Variants in TMEM123 observed in about 807,000 individuals in gnomAD.
TMEM123 encodes the protein porimin.
Under a neutral mutation model 19.7 loss-of-function variants are expected in TMEM123, and 16 were observed. That is an observed-to-expected ratio of 0.81 (90% CI 0.55 to 1.23). TMEM123 has a LOEUF of 1.23. TMEM123 is among the 50% of genes most tolerant of loss of function. The pLI, the probability that TMEM123 is intolerant of heterozygous loss-of-function variation, is 0.00. For missense variants in TMEM123, 313 were observed against 257.8 expected (o/e 1.21, Z -1.47); for synonymous variants, 118 against 99.4 (o/e 1.19, Z -1.12).
At chr11:102,400,625 T>G (rs1951904280) in intron 4 of TMEM123, among the ~76,000 whole-genome samples, 1 of 152,230 alleles carries the variant, frequency 6.6e-6, no homozygotes, top group Non-Finnish European at 1.5e-5. Flanking sequence ...AATCCCAGTG[T>G]GATGATATTT....
intron 2 of TMEM123, among the ~76,000 whole-genome samples, chr11:102,402,545 A>G (rs1188268023): frequency 6.6e-6 from 1 of 152,184 alleles, no homozygotes; most frequent in African/African-American, 2.4e-5. Context: ...ATATCACATA[A>G]TAGGCTTTCA....
intron 2 of TMEM123, chr11:102,448,502 A>G (rs560228627): frequency 6.2e-5 from 21 of 339,912 alleles, no homozygotes; most frequent in East Asian, 4.9e-4. Context: ...CTGACATTTC[A>G]TATCTACAGG....
At chr11:102,411,695 AAC>A (rs1476251999) in intron 2 of TMEM123, among the ~76,000 whole-genome samples, 6 of 152,138 alleles carry the variant, frequency 3.9e-5, no homozygotes, top group South Asian at 4.1e-4. Context: ...AAAAAAAAAA[AAC>A]ACACATCTGG....
At position 102,448,856 on chromosome 11, in the gene TMEM123, A is replaced by G. The variant is rs773768232; in HGVS notation, c.113T>C (p.Ile38Thr). 1 of 1,613,718 alleles carries G rather than the reference A, an allele frequency of 6.2e-7. No individual in the cohort carries two copies. The highest frequency in any genetic ancestry group is 1.7e-5 in the Admixed American group (1 of 60,028). The change falls in exon 2 of 5, where the codon ATA becomes ACA. Residue 38 changes from isoleucine to threonine, a missense_variant. Transcript: ENST00000398136. ...ESAAMAASANIENSGLPHNSS... is the reference protein window; with the variant it reads ...ESAAMAASANTENSGLPHNSS... ...GTTGTGTGGAAGCCCAGAATTCTCT[A>G]TGTTTGCAGATGCTGTAAAAATAAA...
chr11:102,424,297 G>T (rs147532588), intron 2 of TMEM123, among the ~76,000 whole-genome samples: 1 of 152,274 alleles, frequency 6.6e-6, no homozygotes, highest in East Asian at 1.9e-4. Context: ...ATAAAGCAGT[G>T]AATACTTTAT....
At chr11:102,440,155 C>T (rs1010214887) in intron 2 of TMEM123, among the ~76,000 whole-genome samples, 2 of 152,108 alleles carry the variant, frequency 1.3e-5, no homozygotes, top group Non-Finnish European at 1.5e-5. Flanking sequence ...ACTTCCCCAA[C>T]CTAGCAAGGC....
chr11:102,448,574 T>C (rs920056856), intron 2 of TMEM123, among the ~76,000 whole-genome samples: 6 of 152,218 alleles, frequency 3.9e-5, no homozygotes, highest in African/African-American at 9.6e-5. Flanking sequence ...GAAATTCCGA[T>C]ACACTTTTTG....
rs1465936646 is a variant in TMEM123, at chr11:102,397,639, G to GAA, written c.*1226_*1227dup. On this transcript the variant is annotated 3_prime_UTR_variant, in exon 5 of 5. Transcript: ENST00000398136. ...AGGGAATATCCAAATCAGGAAGGAG[G>GAA]AAATGTCCTCTCTAAAAATTCCTCT... 1 of 152,112 alleles carries GAA rather than the reference G, an allele frequency of 6.6e-6. No individual in the cohort carries two copies. Among genetic ancestry groups the GAA allele is most frequent in the Non-Finnish European group, 1.5e-5 (1 of 67,998 alleles). 9.4% of individuals were successfully genotyped at this position (152,112 alleles called of 1,614,324 possible).
intron 2 of TMEM123, among the ~76,000 whole-genome samples, chr11:102,416,049 G>A (rs1308590910): frequency 1.3e-5 from 2 of 151,976 alleles, no homozygotes; most frequent in Non-Finnish European, 2.9e-5. Context: ...CAAGTACCTG[G>A]GACTACAGGT....
intron 2 of TMEM123, among the ~76,000 whole-genome samples, chr11:102,425,573 TTTC>T (rs1335348177): frequency 6.7e-6 from 1 of 149,898 alleles, no homozygotes; most frequent in Non-Finnish European, 1.5e-5. Flanking sequence ...TTTTTTTTTT[TTTC>T]TTTTTTCTTT....
chr11:102,422,613 T>C (rs1952096301), intron 2 of TMEM123, among the ~76,000 whole-genome samples: 2 of 152,148 alleles, frequency 1.3e-5, no homozygotes, highest in African/African-American at 2.4e-5. Flanking sequence ...GAATTCTGGG[T>C]TTATCATTCT....
Position 102,442,358 on chromosome 11 carries a change from T to G in TMEM123, c.157+6454A>C, listed in dbSNP as rs376589858. On this transcript the variant is annotated intron_variant, in intron 2 of 4. Coordinates refer to ENST00000398136, the MANE Select transcript of TMEM123 (RefSeq NM_052932.3). ...AAAAGCTTATCCACCACAATCAAGT[T>G]GGCTTCATCCCTGGGATGCAAGACT... 5.2e-3 allele frequency among the ~76,000 whole-genome samples: 797 copies of G among 152,278 alleles called. 7 individuals carry two copies. The highest frequency in any genetic ancestry group is 0.018 in the African/African-American group (759 of 41,554).
At position 102,436,181 on chromosome 11, in the gene TMEM123, G is replaced by C. The variant is rs750654212; in HGVS notation, c.157+12631C>G. On this transcript the variant is annotated intron_variant, in intron 2 of 4. Transcript: ENST00000398136. ...CCTTATTTTTTATTTATTTTATTTTGAGATGGAGTTTCCCACTATTGCCCA... is the reference window on the plus strand; with the variant it reads ...CCTTATTTTTTATTTATTTTATTTTCAGATGGAGTTTCCCACTATTGCCCA... Among the ~76,000 whole-genome samples the C allele has an allele frequency of 7.9e-4, 120 of 151,938 alleles. 2 individuals are homozygous for C. The highest frequency in any genetic ancestry group is 1.3e-3 in the Non-Finnish European group (90 of 67,866).
chr11:102,421,062 CAAA>C (rs1001274448), intron 2 of TMEM123, among the ~76,000 whole-genome samples: 1 of 151,932 alleles, frequency 6.6e-6, no homozygotes, highest in East Asian at 1.9e-4. Context: ...AAAACAACAA[CAAA>C]AAAACTAGGG....
At chr11:102,449,876 C>T (rs542083271) in intron 1 of TMEM123, among the ~76,000 whole-genome samples, 1 of 152,258 alleles carries the variant, frequency 6.6e-6, no homozygotes, top group East Asian at 1.9e-4. Context: ...CAGAGAAGGC[C>T]GCCCAGATAC....
At chr11:102,448,281 C>A in intron 2 of TMEM123, 1 of 456,220 alleles carries the variant, frequency 2.2e-6, no homozygotes, top group South Asian at 1.5e-5. Flanking sequence ...CTGGTTCTTG[C>A]ATCTTTCCAT....
At chr11:102,427,515 C>T (rs1340959273) in intron 2 of TMEM123, among the ~76,000 whole-genome samples, 1 of 136,314 alleles carries the variant, frequency 7.3e-6, no homozygotes, top group Non-Finnish European at 1.5e-5. Context: ...GTGGCACAAT[C>T]TCAGCTCACT....
chr11:102,435,630 T>C (rs1857755015), intron 2 of TMEM123, among the ~76,000 whole-genome samples: 1 of 151,924 alleles, frequency 6.6e-6, no homozygotes, highest in South Asian at 2.1e-4. Flanking sequence ...TTTACACAAA[T>C]ATTCATAGAA....
chr11:102,410,756 C>G (rs1277694497), intron 2 of TMEM123, among the ~76,000 whole-genome samples: 1 of 151,988 alleles, frequency 6.6e-6, no homozygotes, highest in African/African-American at 2.4e-5. Flanking sequence ...CTAGGAGGCT[C>G]TGCACACACA....
Sources: allele counts gnomAD v4.1 joint callset (sites outside exome capture counted in the v4.1 genomes callset), GRCh38; gene constraint gnomAD v4.1.1; transcripts MANE v1.5; gene names NCBI Gene and HGNC (gene_info 2026-07-23, HGNC 2026-07-21).